The following DNAH5 variants were observed in gnomAD, a reference collection of about 807,000 sequenced individuals.
DNAH5 encodes the protein axonemal beta dynein heavy chain 5.
DNAH5 carries 372 observed loss-of-function variants against 518.2 expected under a neutral mutation model. The ratio of observed to expected loss-of-function variants is 0.72; its 90% CI spans 0.66 to 0.78. The LOEUF (loss-of-function observed/expected upper bound fraction) is 0.78. Ranked by LOEUF, DNAH5 falls within the 30% of genes least tolerant of loss-of-function variation. The pLI, the probability that DNAH5 is intolerant of heterozygous loss-of-function variation, is 0.00. For synonymous variants in DNAH5, 2,039 were observed against 2,025.9 expected (o/e 1.01, Z -0.17); for missense variants, 5,523 against 5,687.0 (o/e 0.97, Z 0.93).
At chr5:13,821,251 C>G (rs984897809) in intron 40 of DNAH5, among the ~76,000 whole-genome samples, 1 of 152,090 alleles carries the variant, frequency 6.6e-6, no homozygotes, top group African/African-American at 2.4e-5. Context: ...AAGACTCAAA[C>G]AGCAAAATGT....
At chr5:13,922,399 C>A (rs1580904445) in intron 4 of DNAH5, 71 bp from the exon 5 acceptor site, 2 of 1,411,296 alleles carry the variant, frequency 1.4e-6, no homozygotes, top group African/African-American at 1.4e-5. Flanking sequence ...TAAGTCATTT[C>A]TTAAATGTTG....
chr5:13,857,595 C>T lies in DNAH5; in HGVS notation c.4950+1857G>A, dbSNP rs147433164. On this transcript the variant is annotated intron_variant, in intron 30 of 78. Coordinates refer to ENST00000265104, the MANE Select transcript of DNAH5 (RefSeq NM_001369.3). ...AAAGAACAGAGCTGGAGGTATCACG[C>T]TACCTGATTTCAAACTATACTTCAA... is the stretch of plus-strand genomic sequence containing the variant. 1.2e-3 allele frequency among the ~76,000 whole-genome samples: 183 copies of T among 152,274 alleles called. 1 individual carries two copies. The highest frequency in any genetic ancestry group is 2.2e-3 in the Non-Finnish European group (152 of 68,016).
chr5:13,723,307 G>A (rs1745299328), intron 70 of DNAH5, among the ~76,000 whole-genome samples: 1 of 152,234 alleles, frequency 6.6e-6, no homozygotes, highest in Non-Finnish European at 1.5e-5. Flanking sequence ...GAAGCAGGGA[G>A]TCCTGTGATC....
In DNAH5 at chr5:13,817,749, T is replaced by TAAGCAA. The variant is rs1761641180; in HGVS notation, c.6842-61_6842-56dup. The stretch of plus-strand genomic sequence containing the variant: ...TCTCAGATGGGAAGTGAACCATCAT[T>TAAGCAA]AAGCAACATTGCACTAATTTGTGGT... On this transcript the variant is annotated intron_variant, in intron 41 of 78. Coordinates refer to ENST00000265104, the MANE Select transcript of DNAH5 (RefSeq NM_001369.3). 2.6e-6 allele frequency: 4 copies of TAAGCAA among 1,557,674 alleles called. No individual in the cohort carries two copies. The African/African-American group carries it at 5.4e-5, about 21-fold the overall frequency.
Position 13,839,489 on chromosome 5 carries a change from G to A in DNAH5, c.5749C>T (p.Leu1917=). The A allele has an allele frequency of 6.2e-7, 1 of 1,613,960 alleles. No individual in the cohort carries two copies. The highest frequency in any genetic ancestry group is 8.5e-7 in the Non-Finnish European group (1 of 1,179,894). The change falls in exon 35 of 79, where the codon CTG becomes TTG. Residue 1917 remains leucine (L), a synonymous_variant. Coordinates refer to ENST00000265104, the MANE Select transcript of DNAH5 (RefSeq NM_001369.3). ...HIKSPMDFEW[L]KQCRFYFNED... ...TTAAAGTAAAATCTGCACTGTTTCA[G>A]CCACTCAAAGTCCATGGGACTCTTG...
intron 3 of DNAH5, among the ~76,000 whole-genome samples, chr5:13,926,460 A>T (rs952936047): frequency 6.6e-6 from 1 of 152,172 alleles, no homozygotes; most frequent in Non-Finnish European, 1.5e-5. Context: ...GTAGAAGACG[A>T]AGGTAGGGAG....
At chr5:13,727,432 A>G (rs1157447444) in intron 70 of DNAH5, 75 bp downstream of exon 70, 79 of 1,379,350 alleles carry the variant, frequency 5.7e-5, no homozygotes, top group Non-Finnish European at 8.9e-6. Context: ...CACATTTAAA[A>G]TATTTTTTTT....
chr5:13,885,421 A>T (rs970334251), intron 18 of DNAH5, among the ~76,000 whole-genome samples, 193 bp from the exon 19 acceptor site: 6 of 151,944 alleles, frequency 3.9e-5, no homozygotes, highest in African/African-American at 1.5e-4. Context: ...ATCAGGAACC[A>T]GAGGGACTGA....
chr5:13,704,041 C>A (rs1005487075), intron 76 of DNAH5, among the ~76,000 whole-genome samples: 3 of 152,160 alleles, frequency 2.0e-5, no homozygotes, highest in Non-Finnish European at 4.4e-5. Flanking sequence ...AAGGCCTCCA[C>A]AATGAGGGTC....
At chr5:13,776,879 T>C (rs1277692907) in intron 54 of DNAH5, among the ~76,000 whole-genome samples, 173 bp from the exon 55 acceptor site, 1 of 152,186 alleles carries the variant, frequency 6.6e-6, no homozygotes, top group Non-Finnish European at 1.5e-5. Flanking sequence ...TAAATGATTC[T>C]ACTATTAACT....
Position 13,902,095 on chromosome 5 carries a change from T to C in DNAH5, c.1688A>G (p.Gln563Arg). ...KFMDVTFAKI[Q>R]NTNQALRMLK... is the part of the protein sequence containing the mutation. ...CATTCTTAGAGCTTGATTTGTGTTT[T>C]GAATCTTTGCAAATGTAACATCCAT... is the stretch of plus-strand genomic sequence containing the variant. The change falls in exon 13 of 79, where the codon CAA becomes CGA. Residue 563 changes from glutamine (Q) to arginine (R), a missense_variant. Physicochemically the swap from Gln to Arg is conservative, Grantham distance 43 (BLOSUM62 1). This residue lies in a region of DNAH5 where 5,121 missense variants were observed against 5,223.3 expected (regional missense o/e 0.98). Transcript: ENST00000265104. 3 of 1,609,700 alleles carry C rather than the reference T, an allele frequency of 1.9e-6. No individual in the cohort carries two copies. Among genetic ancestry groups the C allele is most frequent in the Non-Finnish European group, 1.7e-6 (2 of 1,177,462 alleles).
At chr5:13,845,580 C>T (rs1765872125) in intron 31 of DNAH5, among the ~76,000 whole-genome samples, 1 of 152,098 alleles carries the variant, frequency 6.6e-6, no homozygotes, top group African/African-American at 2.4e-5. Flanking sequence ...CGATCACTGA[C>T]TTGCTTTCAG....
intron 17 of DNAH5, among the ~76,000 whole-genome samples, chr5:13,886,769 T>C (rs1022765422): frequency 3.7e-4 from 57 of 152,360 alleles, no homozygotes; most frequent in East Asian, 3.9e-4. Context: ...TTTAAACTTA[T>C]ACGGCTTGAA....
intron 7 of DNAH5, among the ~76,000 whole-genome samples, chr5:13,917,947 C>T (rs1776819238): frequency 1.3e-5 from 2 of 152,194 alleles, no homozygotes; most frequent in South Asian, 4.1e-4. Context: ...AAATAGTTAA[C>T]AAACAGTCTT....
In DNAH5 at chr5:13,900,351, T is replaced by A. The variant is rs772247524; in HGVS notation, c.2114A>T (p.Glu705Val). Residue 705 changes from glutamate (E) to valine (V), a missense_variant, in exon 15 of 79, where the codon GAA (glutamate) becomes GTA (valine). Transcript: ENST00000265104. ...CTGAGGGTCAAAGTTTACAAACAAT[T>A]CCCCTGTGCCTGGAGCCTTCACCAA... ...SLLVKAPGTG[E>V]LFVNFDPQIL... 27 of 1,613,956 alleles carry A rather than the reference T, an allele frequency of 1.7e-5. No homozygotes were observed. The highest frequency in any genetic ancestry group is 1.9e-5 in the Non-Finnish European group (22 of 1,180,006).
intron 1 of DNAH5, among the ~76,000 whole-genome samples, chr5:13,935,430 T>G (rs148930046): frequency 6.6e-6 from 1 of 152,212 alleles, no homozygotes; most frequent in African/African-American, 2.4e-5. Flanking sequence ...AAGCTAATTA[T>G]TGACATATTT....
rs189333241 is a variant in DNAH5 at position 13,795,802 on chromosome 5, T to C, written c.7888-1744A>G. ...TGAACATTGATGCGAAAATCCTCAATAAAATACTGGCAAACTGAATCCAGC... is the reference window on the plus strand; with the variant it reads ...TGAACATTGATGCGAAAATCCTCAACAAAATACTGGCAAACTGAATCCAGC... On this transcript the variant is annotated intron_variant, in intron 47 of 78. Coordinates refer to ENST00000265104, the MANE Select transcript of DNAH5 (RefSeq NM_001369.3). 4.2e-3 allele frequency among the ~76,000 whole-genome samples: 639 copies of C among 152,264 alleles called. 3 individuals carry two copies. Among genetic ancestry groups the C allele is most frequent in the African/African-American group, 0.015 (605 of 41,548 alleles).
At chr5:13,901,167 T>C in intron 14 of DNAH5, 85 bp downstream of exon 14, 1 of 1,457,500 alleles carries the variant, frequency 6.9e-7, no homozygotes, top group South Asian at 1.2e-5. Flanking sequence ...CAAATCCAGC[T>C]TTCTAAAGAA....
At chr5:13,985,430 A>ATATATAT (rs1782977078) in intron 1 of DNAH5, among the ~76,000 whole-genome samples, 3 of 127,346 alleles carry the variant, frequency 2.4e-5, no homozygotes, top group Non-Finnish European at 1.7e-5. Context: ...AGTATAATAA[A>ATATATAT]ATATATATAT....
Sources: allele counts gnomAD v4.1 joint callset (sites outside exome capture counted in the v4.1 genomes callset), GRCh38; gene constraint gnomAD v4.1.1; regional missense constraint gnomAD v4.1.1; transcripts MANE v1.5; gene names NCBI Gene and HGNC (gene_info 2026-07-23, HGNC 2026-07-21).